Variants in ASIC2 observed in about 807,000 individuals in gnomAD.
ASIC2 encodes acid sensing ion channel subunit 2.
In ASIC2, 25 loss-of-function variants were observed where a neutral mutation model predicts 57.3. That is an observed-to-expected ratio of 0.44 (90% CI 0.32 to 0.61). The LOEUF (loss-of-function observed/expected upper bound fraction) is 0.61, where lower values mean the gene tolerates loss of function less well. ASIC2 is among the 20% of genes least tolerant of loss of function. ASIC2 has a pLI of 0.06. For synonymous variants in ASIC2, 319 were observed against 307.5 expected, an observed-to-expected ratio of 1.04 and a Z score of -0.39; for missense variants, 641 against 738.1, an observed-to-expected ratio of 0.87 and a Z score of 1.52.
chr17:33,710,929 C>T (rs1163582209), intron 1 of ASIC2, among the ~76,000 whole-genome samples: 1 of 152,106 alleles, frequency 6.6e-6, no homozygotes, highest in African/African-American at 2.4e-5. Context: ...AGTGGGGGCA[C>T]AGTGCTGGCT....
intron 1 of ASIC2, among the ~76,000 whole-genome samples, chr17:33,674,741 T>C (rs1445432441): frequency 1.3e-5 from 2 of 152,244 alleles, no homozygotes; most frequent in Non-Finnish European, 2.9e-5. Context: ...TCCAGGGCTC[T>C]AGTGCTGTCC....
intron 3 of ASIC2, among the ~76,000 whole-genome samples, chr17:33,062,791 G>T (rs1328092215): frequency 1.3e-5 from 2 of 152,160 alleles, no homozygotes; most frequent in African/African-American, 2.4e-5. Context: ...TATTGTATGG[G>T]AGTCTAAGTC....
At chr17:33,579,286 C>CAAAA (rs71362894) in intron 1 of ASIC2, among the ~76,000 whole-genome samples, 2,402 of 103,566 alleles carry the variant, frequency 0.023, 78 homozygotes, top group African/African-American at 0.055. Flanking sequence ...AACTGTGTCT[C>CAAAA]AAAAAAAAAA....
chr17:34,093,534 CG>C (rs145509350), intron 1 of ASIC2, among the ~76,000 whole-genome samples: 5,273 of 152,276 alleles, frequency 0.035, 122 homozygotes, highest in Non-Finnish European at 0.05. Flanking sequence ...AGGCAAGAAT[CG>C]GGACTGACTT....
At chr17:33,083,377 C>T (rs996460885) in intron 3 of ASIC2, among the ~76,000 whole-genome samples, 3 of 152,132 alleles carry the variant, frequency 2.0e-5, no homozygotes, top group African/African-American at 7.2e-5. Flanking sequence ...GGAAGTGTGA[C>T]AAAAAATGCC....
intron 1 of ASIC2, among the ~76,000 whole-genome samples, chr17:33,321,866 G>A (rs934638933): frequency 6.6e-6 from 1 of 152,206 alleles, no homozygotes; most frequent in Admixed American, 6.5e-5. Context: ...TCTCCTTCAA[G>A]CCATTGGCAG....
intron 1 of ASIC2, among the ~76,000 whole-genome samples, chr17:33,659,106 G>A (rs750406780): frequency 2.0e-5 from 3 of 152,236 alleles, no homozygotes; most frequent in Non-Finnish European, 4.4e-5. Flanking sequence ...CACACACTCA[G>A]ACCACAGCAG....
chr17:33,281,853 G>A (rs543384846), intron 1 of ASIC2, among the ~76,000 whole-genome samples: 1 of 152,162 alleles, frequency 6.6e-6, no homozygotes, highest in Non-Finnish European at 1.5e-5. Flanking sequence ...CGGCCACCCA[G>A]CCAACATAAT....
intron 1 of ASIC2, among the ~76,000 whole-genome samples, chr17:33,276,864 A>G (rs1014297980): frequency 1.3e-5 from 2 of 152,196 alleles, no homozygotes; most frequent in African/African-American, 4.8e-5. Flanking sequence ...AGGATGATTT[A>G]TTGTAACAGA....
intron 1 of ASIC2, among the ~76,000 whole-genome samples, chr17:33,875,848 G>A (rs1420135440): frequency 6.6e-6 from 1 of 151,940 alleles, no homozygotes; most frequent in Non-Finnish European, 1.5e-5. Flanking sequence ...AAGAGTGAGT[G>A]CTATAATCCC....
chr17:33,732,926 C>T (rs1021861412), intron 1 of ASIC2, among the ~76,000 whole-genome samples: 1 of 152,196 alleles, frequency 6.6e-6, no homozygotes, highest in African/African-American at 2.4e-5. Context: ...GCGTGTGCCA[C>T]CATGCCCAGC....
chr17:33,699,961 T>C (rs1908647290), intron 1 of ASIC2, among the ~76,000 whole-genome samples: 1 of 151,990 alleles, frequency 6.6e-6, no homozygotes, highest in South Asian at 2.1e-4. Context: ...ATCGTAAATA[T>C]ATTTTTAATA....
chr17:33,472,168 C>G (rs1320631469), intron 1 of ASIC2, among the ~76,000 whole-genome samples: 3 of 152,036 alleles, frequency 2.0e-5, no homozygotes, highest in Non-Finnish European at 2.9e-5. Flanking sequence ...TACAGGTGCT[C>G]ACCACCATGC....
rs182233095 is a variant in ASIC2, at chr17:33,448,272, C to T, written c.556-336205G>A. On this transcript the variant is annotated intron_variant, in intron 1 of 9. Transcript: ENST00000359872. ...ATTATATTTCAATTGCTCATCTGGC[C>T]ACTGCTACCTTCATTAGAATGTGAA... is the stretch of plus-strand genomic sequence containing the variant. Among the ~76,000 whole-genome samples the T allele has an allele frequency of 4.5e-4, 68 of 152,222 alleles. No homozygotes were observed. The East Asian group carries it at 0.011, about 25-fold the overall frequency.
At chr17:34,011,002 A>ATG (rs1404524573) in intron 1 of ASIC2, among the ~76,000 whole-genome samples, 12 of 1,018 alleles carry the variant, frequency 0.012, no homozygotes, top group South Asian at 0.02. Flanking sequence ...AGTCAGACAC[A>ATG]CACACACACA....
At chr17:34,067,576 A>T (rs570091447) in intron 1 of ASIC2, among the ~76,000 whole-genome samples, 2 of 152,298 alleles carry the variant, frequency 1.3e-5, no homozygotes, top group Non-Finnish European at 1.5e-5. Context: ...ATTTATTTCT[A>T]AAAAAACTAT....
At chr17:33,169,125 T>G (rs1009865274) in intron 1 of ASIC2, among the ~76,000 whole-genome samples, 3 of 152,182 alleles carry the variant, frequency 2.0e-5, no homozygotes, top group Admixed American at 6.5e-5. Context: ...CACAGCATTT[T>G]TCTGCTGCCC....
At chr17:33,273,820 G>C (rs753756787) in intron 1 of ASIC2, among the ~76,000 whole-genome samples, 8 of 152,040 alleles carry the variant, frequency 5.3e-5, no homozygotes, top group Admixed American at 3.9e-4. Context: ...TGGGGGGCCG[G>C]AGAGGGGCAG....
At chr17:34,047,925 G>A (rs755766814) in intron 1 of ASIC2, among the ~76,000 whole-genome samples, 3 of 152,172 alleles carry the variant, frequency 2.0e-5, no homozygotes, top group Non-Finnish European at 2.9e-5. Flanking sequence ...GATTTGCCAG[G>A]TCAGAAGGAA....
Sources: gnomAD v4.1 joint callset for allele counts (sites outside exome capture counted in the v4.1 genomes callset) on GRCh38, gnomAD v4.1.1 for gene constraint, MANE v1.5 for transcripts, NCBI Gene and HGNC (gene_info 2026-07-23, HGNC 2026-07-21) for gene names.